The following FAT3 variants were observed in gnomAD, a reference collection of about 807,000 sequenced individuals.
FAT3 encodes the protein FAT atypical cadherin 3.
In FAT3, 95 loss-of-function variants were observed where a neutral mutation model predicts 310.2. That is an observed-to-expected ratio of 0.31 (90% CI 0.26 to 0.36). The LOEUF (loss-of-function observed/expected upper bound fraction) is 0.36. Among genes scored for constraint, FAT3 ranks in the 10% least tolerant of loss-of-function variants. FAT3 has a pLI of 1.00. For synonymous variants in FAT3, 2,314 were observed against 2,192.9 expected (o/e 1.06, Z -1.54); for missense variants, 5,408 against 5,715.6 (o/e 0.95, Z 1.74).
rs919997428 is a variant in FAT3, at chr11:92,242,134, T to C, written c.-18+16960T>C. On this transcript the variant is annotated intron_variant, in intron 1 of 27. Transcript: ENST00000525166. Reference sequence around the variant, plus strand: ...ATTTGAGCAACTATTGTGTTTAACATTGAGAACTCTAGGATGAGGATTTGA... The same window carrying C: ...ATTTGAGCAACTATTGTGTTTAACACTGAGAACTCTAGGATGAGGATTTGA... 9.9e-5 allele frequency among the ~76,000 whole-genome samples: 15 copies of C among 152,218 alleles called. No homozygotes were observed. The East Asian group carries it at 2.5e-3, about 25-fold the overall frequency.
At chr11:92,603,682 T>TC (rs1414507404) in intron 3 of FAT3, among the ~76,000 whole-genome samples, 1 of 152,238 alleles carries the variant, frequency 6.6e-6, no homozygotes, top group Non-Finnish European at 1.5e-5. Context: ...ACACTTAATA[T>TC]CAGGCTTTGT....
intron 2 of FAT3, among the ~76,000 whole-genome samples, chr11:92,519,243 C>T (rs1313441240): frequency 6.6e-6 from 1 of 152,114 alleles, no homozygotes; most frequent in Non-Finnish European, 1.5e-5. Context: ...TAGACCCATA[C>T]ATGTAGCAAT....
At chr11:92,719,890 C>CTGTTTGGGGAAACCTGG (rs1565538905) in intron 4 of FAT3, among the ~76,000 whole-genome samples, 1 of 152,134 alleles carries the variant, frequency 6.6e-6, no homozygotes, top group Non-Finnish European at 1.5e-5. Flanking sequence ...TGCCCTTCCC[C>CTGTTTGGGGAAACCTGG]TGTTTGGGGA....
At chr11:92,771,936 G>C (rs760675232) in intron 6 of FAT3, among the ~76,000 whole-genome samples, 2 of 152,066 alleles carry the variant, frequency 1.3e-5, no homozygotes, top group African/African-American at 4.8e-5. Context: ...CAGTGAGAGA[G>C]AGCAAATTGG....
Position 92,801,602 on chromosome 11 carries a change from G to A in FAT3, c.8589G>A (p.Met2863Ile), listed in dbSNP as rs1947355799. The change falls in exon 10 of 28, where the codon ATG (methionine) becomes ATA (isoleucine). Residue 2863 changes from methionine (M) to isoleucine (I), a missense_variant. Transcript: ENST00000525166. ...LHSDSQPEKV[M>I]EAFNIDSNTG... is the part of the protein sequence containing the mutation. ...CGGATTCCCAGCCCGAAAAGGTAATGGAAGCATTCAATATTGACAGCAACA... is the reference window on the plus strand; with the variant it reads ...CGGATTCCCAGCCCGAAAAGGTAATAGAAGCATTCAATATTGACAGCAACA... The A allele has an allele frequency of 4.3e-6, 7 of 1,612,896 alleles. No homozygotes were observed. Among genetic ancestry groups the A allele is most frequent in the Middle Eastern group, 3.3e-4 (2 of 6,060 alleles).
At position 92,354,481 on chromosome 11, in the gene FAT3, A is replaced by G. The variant is rs780485190; in HGVS notation, c.2369A>G (p.Asp790Gly). Residue 790 changes from aspartate (D) to glycine (G), a missense_variant, in exon 2 of 28, where the codon GAT (aspartate) becomes GGT (glycine). Around this residue, in one of 5 missense-constraint regions of FAT3, gnomAD observed 4,588 missense variants for 4,809.8 expected, o/e 0.95. Transcript: ENST00000525166. ...CAGCTTAAAGTCCTTATGCCCATGGATCGAGAACACACAGACCTCTATCTC... is the reference window on the plus strand; with the variant it reads ...CAGCTTAAAGTCCTTATGCCCATGGGTCGAGAACACACAGACCTCTATCTC... ...TGQLKVLMPM[D>G]REHTDLYLLN... is the part of the protein sequence containing the mutation. 6.2e-7 allele frequency: 1 copy of G among 1,613,764 alleles called. No homozygotes were observed. Among genetic ancestry groups the G allele is most frequent in the Non-Finnish European group, 8.5e-7 (1 of 1,179,874 alleles).
chr11:92,774,016 T>C (rs1946527283), intron 6 of FAT3, 25 bp from the exon 7 acceptor site: 1 of 1,610,888 alleles, frequency 6.2e-7, no homozygotes, highest in African/African-American at 1.3e-5. Flanking sequence ...GATTTGCTAA[T>C]TTCATGTTTC....
At chr11:92,244,830 G>A (rs192823223) in intron 1 of FAT3, among the ~76,000 whole-genome samples, 1 of 152,232 alleles carries the variant, frequency 6.6e-6, no homozygotes, top group East Asian at 1.9e-4. Context: ...TCATTAAAAA[G>A]TCAGGAAACA....
At chr11:92,545,310 C>G (rs1304595223) in intron 3 of FAT3, among the ~76,000 whole-genome samples, 1 of 152,178 alleles carries the variant, frequency 6.6e-6, no homozygotes, top group Non-Finnish European at 1.5e-5. Context: ...TATCGCTCAT[C>G]ACTATCTAAC....
rs1325892129 is a variant in FAT3, at chr11:92,883,457, G to A, written c.12937+64G>A. The A allele has an allele frequency of 2.6e-6, 4 of 1,534,856 alleles. No individual in the cohort carries two copies. Among genetic ancestry groups the A allele is most frequent in the South Asian group, 2.5e-5 (2 of 79,976 alleles). ...CAGGGAACCTGCAGGGGCGCTGTGC[G>A]AGGACGCTACGGGAAGGGAGAGAGA... On this transcript the variant is annotated intron_variant, in intron 24 of 27. Coordinates refer to ENST00000525166, the MANE Select transcript of FAT3 (RefSeq NM_001367949.2). This position sits in a 1 kb window ranked among gnomAD's most constrained non-coding sequence, Gnocchi z 4.2.
chr11:92,384,468 A>G (rs1949573112), intron 2 of FAT3, among the ~76,000 whole-genome samples: 1 of 152,220 alleles, frequency 6.6e-6, no homozygotes, highest in Non-Finnish European at 1.5e-5. Context: ...CCATGAGACC[A>G]CAGAAAAGAA....
At chr11:92,234,218 C>T (rs1470890658) in intron 1 of FAT3, among the ~76,000 whole-genome samples, 3 of 152,120 alleles carry the variant, frequency 2.0e-5, no homozygotes, top group African/African-American at 4.8e-5. Context: ...CAATTTGTCT[C>T]TCTTACATTT....
At chr11:92,859,344 T>C (rs771247371) in intron 21 of FAT3, 22 bp downstream of exon 21, 18 of 1,557,238 alleles carry the variant, frequency 1.2e-5, no homozygotes, top group African/African-American at 2.7e-5. Flanking sequence ...GGGTTATCTT[T>C]TTCTGCAGTC....
intron 1 of FAT3, among the ~76,000 whole-genome samples, chr11:92,315,379 A>T (rs886991475): frequency 4.0e-5 from 6 of 150,822 alleles, no homozygotes; most frequent in African/African-American, 9.7e-5. Context: ...TGATGCAAAC[A>T]TTCCACTATA....
At chr11:92,666,500 C>A (rs1338923461) in intron 3 of FAT3, among the ~76,000 whole-genome samples, 1 of 151,480 alleles carries the variant, frequency 6.6e-6, no homozygotes, top group Non-Finnish European at 1.5e-5. Context: ...TACAGACAAC[C>A]GCCACCACGC....
chr11:92,282,525 T>A (rs1199658458), intron 1 of FAT3, among the ~76,000 whole-genome samples: 1 of 151,738 alleles, frequency 6.6e-6, no homozygotes, highest in African/African-American at 2.4e-5. Flanking sequence ...ATCAGCTGGG[T>A]GTGGTGGAGC....
At chr11:92,533,044 T>C (rs557757396) in intron 3 of FAT3, among the ~76,000 whole-genome samples, 27 of 152,232 alleles carry the variant, frequency 1.8e-4, no homozygotes, top group Admixed American at 5.9e-4. Flanking sequence ...TATCTGTTTG[T>C]TTTTTAAGAG....
chr11:92,733,157 G>A (rs1173429469), intron 4 of FAT3, among the ~76,000 whole-genome samples: 2 of 152,142 alleles, frequency 1.3e-5, no homozygotes, highest in Non-Finnish European at 2.9e-5. Context: ...ATGTCAGAAG[G>A]CTACGTATGC....
Position 92,399,972 on chromosome 11 carries a change from A to G in FAT3, c.3292+44568A>G, listed in dbSNP as rs78133938. Among the ~76,000 whole-genome samples the G allele has an allele frequency of 9.2e-5, 14 of 152,308 alleles. No individual in the cohort carries two copies. In the East Asian group the frequency reaches 2.5e-3, roughly 27 times the overall value. On this transcript the variant is annotated intron_variant, in intron 2 of 27. Transcript: ENST00000525166. ...TTTTCTTCCTGCCTGCTATACTTCA[A>G]GAGTCTGTTGGTGTGGGCTTGGGAT...
Sources: allele counts gnomAD v4.1 joint callset (sites outside exome capture counted in the v4.1 genomes callset), GRCh38; gene constraint gnomAD v4.1.1; regional missense constraint gnomAD v4.1.1; non-coding constraint Gnocchi (gnomAD v3.1); transcripts MANE v1.5; gene names NCBI Gene and HGNC (gene_info 2026-07-23, HGNC 2026-07-21).